The following LUZP2 variants were observed in gnomAD, a reference collection of about 807,000 sequenced individuals.
LUZP2 encodes the protein leucine zipper protein 2.
A neutral mutation model predicts 51.6 loss-of-function variants in LUZP2; 52 were observed. The ratio of observed to expected loss-of-function variants is 1.01; its 90% CI spans 0.81 to 1.27. The LOEUF (loss-of-function observed/expected upper bound fraction) is 1.27. Among genes scored for constraint, LUZP2 ranks in the 50% most tolerant of loss-of-function variants. The probability of loss-of-function intolerance (pLI) is 0.00; values close to 1 mark genes in which losing one functional copy is unlikely to be tolerated. For missense variants in LUZP2, 436 were observed against 395.4 expected (o/e 1.10, Z -0.87); for synonymous variants, 154 against 137.3 (o/e 1.12, Z -0.85).
chr11:24,628,205 C>T (rs1038332988), intron 1 of LUZP2, among the ~76,000 whole-genome samples: 1 of 124,682 alleles, frequency 8.0e-6, no homozygotes, highest in African/African-American at 3.1e-5. Flanking sequence ...ACACACACAC[C>T]CATGCATACA....
At chr11:24,844,385 A>G (rs1400829226) in intron 5 of LUZP2, among the ~76,000 whole-genome samples, 1 of 152,180 alleles carries the variant, frequency 6.6e-6, no homozygotes, top group African/African-American at 2.4e-5. Context: ...AGAAATTTGT[A>G]AGCAGCAAAG....
Position 25,020,172 on chromosome 11 carries a change from G to A in LUZP2, c.766-29866G>A, listed in dbSNP as rs75336869. Among the ~76,000 whole-genome samples, 591 of 152,150 alleles carry A rather than the reference G, an allele frequency of 3.9e-3. 4 individuals are homozygous for A. The highest frequency in any genetic ancestry group is 6.1e-3 in the Non-Finnish European group (415 of 67,992). ...TAACCTCCACTGTAACCTTCTGATG[G>A]TCACAGAAAGGAGCAATAGCAAAAA... On this transcript the variant is annotated intron_variant, in intron 9 of 11. Coordinates refer to ENST00000336930, the MANE Select transcript of LUZP2 (RefSeq NM_001009909.4).
intron 5 of LUZP2, among the ~76,000 whole-genome samples, chr11:24,796,397 A>G (rs996187542): frequency 6.6e-6 from 1 of 152,072 alleles, no homozygotes; most frequent in East Asian, 1.9e-4. Flanking sequence ...ATTATTAACC[A>G]CAAACAACTT....
intron 1 of LUZP2, among the ~76,000 whole-genome samples, chr11:24,707,053 A>G (rs146542307): frequency 0.011 from 1,627 of 152,024 alleles, 37 homozygotes; most frequent in African/African-American, 0.036. Context: ...GAGAGAAGAA[A>G]AAAGTATATA....
chr11:24,556,841 T>C (rs1851882961), intron 1 of LUZP2, among the ~76,000 whole-genome samples: 1 of 152,076 alleles, frequency 6.6e-6, no homozygotes, highest in African/African-American at 2.4e-5. Context: ...CCAGAAACAC[T>C]CAAGCATACA....
chr11:25,068,498 G>A (rs1241904996), intron 10 of LUZP2, among the ~76,000 whole-genome samples: 2 of 151,864 alleles, frequency 1.3e-5, no homozygotes, highest in Admixed American at 1.3e-4. Context: ...AAGAAAAATG[G>A]TGCTGCCTTG....
At chr11:24,691,174 A>G (rs908978669) in intron 1 of LUZP2, among the ~76,000 whole-genome samples, 90 of 152,022 alleles carry the variant, frequency 5.9e-4, no homozygotes, top group African/African-American at 2.1e-3. Context: ...CCATTGTTTC[A>G]GATCATGTTG....
chr11:25,043,215 T>C (rs993736304), intron 9 of LUZP2, among the ~76,000 whole-genome samples: 21 of 152,152 alleles, frequency 1.4e-4, no homozygotes, highest in African/African-American at 5.1e-4. Context: ...AGCTGACTAA[T>C]ACACAGGGTA....
intron 9 of LUZP2, among the ~76,000 whole-genome samples, chr11:25,027,318 C>T (rs1857520201): frequency 6.6e-6 from 1 of 152,006 alleles, no homozygotes; most frequent in Non-Finnish European, 1.5e-5. Flanking sequence ...TATTCTATTT[C>T]TCATGATTAA....
At chr11:24,718,081 G>A (rs1858123607) in intron 1 of LUZP2, among the ~76,000 whole-genome samples, 1 of 152,172 alleles carries the variant, frequency 6.6e-6, no homozygotes, top group Admixed American at 6.5e-5. Context: ...AAGCATCGTA[G>A]AGCAAAGGCT....
At chr11:24,662,488 A>G (rs145123755) in intron 1 of LUZP2, among the ~76,000 whole-genome samples, 19 of 152,250 alleles carry the variant, frequency 1.2e-4, no homozygotes, top group African/African-American at 4.3e-4. Flanking sequence ...TAACAAAAAT[A>G]AAAAATGTTT....
intron 10 of LUZP2, among the ~76,000 whole-genome samples, chr11:25,064,736 C>A (rs558952470): frequency 1.3e-5 from 2 of 151,904 alleles, no homozygotes; most frequent in Admixed American, 6.6e-5. Context: ...AAGACATGTT[C>A]TTTCCATTTT....
In LUZP2 at chr11:24,976,584, T is replaced by A. The variant is rs1465081012; in HGVS notation, c.523-7T>A. 6.4e-7 allele frequency: 1 copy of A among 1,572,588 alleles called. No individual in the cohort carries two copies. The highest frequency in any genetic ancestry group is 1.4e-5 in the African/African-American group (1 of 71,664). Reference sequence around the variant, plus strand: ...TTTATCTAGAAGATTTATCTCTTATTTTACAGGCGCAGCAGCTTACTGATC... The same window carrying A: ...TTTATCTAGAAGATTTATCTCTTATATTACAGGCGCAGCAGCTTACTGATC... On this transcript the variant is annotated splice_region_variant and splice_polypyrimidine_tract_variant and intron_variant, in intron 7 of 11. Coordinates refer to ENST00000336930, the MANE Select transcript of LUZP2 (RefSeq NM_001009909.4).
chr11:24,594,629 A>G (rs1853371463), intron 1 of LUZP2, among the ~76,000 whole-genome samples: 1 of 151,972 alleles, frequency 6.6e-6, no homozygotes, highest in South Asian at 2.1e-4. Flanking sequence ...CAAAATATTT[A>G]GTTGTCAATG....
intron 5 of LUZP2, among the ~76,000 whole-genome samples, chr11:24,775,340 A>C (rs968877623): frequency 6.6e-6 from 1 of 151,094 alleles, no homozygotes; most frequent in South Asian, 2.1e-4. Flanking sequence ...GTGGAATCCA[A>C]TTTCAGGCCA....
chr11:25,026,688 T>C (rs924895653), intron 9 of LUZP2, among the ~76,000 whole-genome samples: 1 of 152,058 alleles, frequency 6.6e-6, no homozygotes, highest in African/African-American at 2.4e-5. Flanking sequence ...TTTTAAAAGG[T>C]AGCATGATTG....
intron 1 of LUZP2, among the ~76,000 whole-genome samples, chr11:24,550,479 A>T (rs1851693015): frequency 6.6e-6 from 1 of 152,056 alleles, no homozygotes; most frequent in African/African-American, 2.4e-5. Flanking sequence ...TTAGAGTTCA[A>T]ATTTCTACCT....
chr11:24,625,212 A>G (rs537475646), intron 1 of LUZP2, among the ~76,000 whole-genome samples: 64 of 152,150 alleles, frequency 4.2e-4, no homozygotes, highest in Non-Finnish European at 6.9e-4. Flanking sequence ...TATGTTGGTC[A>G]AAGGGCACAA....
At chr11:25,016,314 C>G (rs1857154241) in intron 9 of LUZP2, among the ~76,000 whole-genome samples, 1 of 151,966 alleles carries the variant, frequency 6.6e-6, no homozygotes. Context: ...CCAACCTTCC[C>G]CCTTCTGAGT....
Sources: gnomAD v4.1 joint callset for allele counts (sites outside exome capture counted in the v4.1 genomes callset) on GRCh38, gnomAD v4.1.1 for gene constraint, MANE v1.5 for transcripts, NCBI Gene and HGNC (gene_info 2026-07-23, HGNC 2026-07-21) for gene names.